Variants in DNAJC10 observed in about 807,000 individuals in gnomAD.
DNAJC10 encodes the protein DnaJ heat shock protein family (Hsp40) member C10.
A neutral mutation model predicts 115.0 loss-of-function variants in DNAJC10; 101 were observed. The observed-to-expected ratio is 0.88, with a 90% CI of 0.75 to 1.04. The LOEUF is 1.04. Among genes scored for constraint, DNAJC10 ranks in the 50% least tolerant of loss-of-function variants. The pLI, the probability that DNAJC10 is intolerant of heterozygous loss-of-function variation, is 0.00. For synonymous variants in DNAJC10, 307 were observed against 301.5 expected (o/e 1.02, Z -0.19); for missense variants, 981 against 928.8 (o/e 1.06, Z -0.73).
intron 22 of DNAJC10, among the ~76,000 whole-genome samples, chr2:182,770,706 G>A (rs1397771287): frequency 6.6e-6 from 1 of 152,070 alleles, no homozygotes; most frequent in Non-Finnish European, 1.5e-5. Flanking sequence ...GGAGATTTTG[G>A]GCTGAGATGA....
Position 182,771,717 on chromosome 2 carries a change from T to C in DNAJC10, c.2266-3599T>C, listed in dbSNP as rs575393296. ...ATTGCGTCCATTTGATTCTTCTCTC[T>C]TTTCCTATTAGTCTTGTTAGCAGCC... On this transcript the variant is annotated intron_variant, in intron 22 of 23. Coordinates refer to ENST00000264065, the MANE Select transcript of DNAJC10 (RefSeq NM_018981.4). Among the ~76,000 whole-genome samples the C allele has an allele frequency of 9.2e-5, 14 of 152,272 alleles. 1 individual carries two copies. The highest frequency in any genetic ancestry group is 3.4e-4 in the African/African-American group (14 of 41,560).
In DNAJC10 at chr2:182,777,419, C is replaced by A. The variant is rs1293769810; in HGVS notation, c.*287C>A. ...ATTCTTTGTTATTTGCTTTTAACAA[C>A]CTTTAAAAAATATTAAAACGATTCT... On this transcript the variant is annotated 3_prime_UTR_variant, in exon 24 of 24. Transcript: ENST00000264065. 1 of 227,046 alleles carries A rather than the reference C, an allele frequency of 4.4e-6. No individual in the cohort carries two copies. Among genetic ancestry groups the A allele is most frequent in the Non-Finnish European group, 8.6e-6 (1 of 116,264 alleles). 14.1% of individuals were successfully genotyped at this position (227,046 alleles called of 1,614,324 possible). A position where few individuals can be genotyped will look rare whatever the true frequency, so the allele number is the denominator to read the frequency against.
Position 182,762,779 on chromosome 2 carries a change from T to G in DNAJC10, c.2243T>G (p.Phe748Cys). The G allele has an allele frequency of 6.2e-7, 1 of 1,612,190 alleles. No individual in the cohort carries two copies. Among genetic ancestry groups the G allele is most frequent in the South Asian group, 1.1e-5 (1 of 91,014 alleles). Residue 748 changes from phenylalanine (F) to cysteine (C), a missense_variant, in exon 22 of 24, where the codon TTT becomes TGT. Phe to Cys is a radical substitution (Grantham distance 205). Transcript: ENST00000264065. ...AGIRAYPTVK[F>C]YFYERAKRNF... ...ATCAGGGCCTATCCAACTGTTAAAT[T>G]TTATTTCTACGAAAGAGCAAAGGTA...
chr2:182,732,539 G>A lies in DNAJC10; in HGVS notation c.846G>A (p.Met282Ile). The change falls in exon 10 of 24, where the codon ATG (methionine) becomes ATA (isoleucine). Residue 282 changes from methionine (M) to isoleucine (I), a missense_variant. By Grantham distance (10) the Met-to-Ile change is conservative (BLOSUM62 1). Transcript: ENST00000264065. ...AGACACGACTCAGGCTTAGTGGCAT[G>A]TTGGTAAGCATCAATCATTTTGTAA... ...TSQTRLRLSG[M>I]LDGLVNVGWM... 1 of 1,613,194 alleles carries A rather than the reference G, an allele frequency of 6.2e-7. No homozygotes were observed. Among genetic ancestry groups the A allele is most frequent in the East Asian group, 2.2e-5 (1 of 44,856 alleles).
At position 182,783,146 on chromosome 2, in the gene DNAJC10, C is replaced by A. The variant is rs778551898; in HGVS notation, c.*6014C>A. 1.3e-5 allele frequency: 2 copies of A among 152,110 alleles called. No homozygotes were observed. Among genetic ancestry groups the A allele is most frequent in the Non-Finnish European group, 2.9e-5 (2 of 68,034 alleles). The allele number at this position is 152,110 out of a possible 1,614,324, so 9.4% of individuals were successfully genotyped here. A position where few individuals can be genotyped will look rare whatever the true frequency, so the allele number is the denominator to read the frequency against. On this transcript the variant is annotated 3_prime_UTR_variant, in exon 24 of 24. Coordinates refer to ENST00000264065, the MANE Select transcript of DNAJC10 (RefSeq NM_018981.4). ...TTAATTTTATCGAAGGCCTTTTCTG[C>A]ATCTATTGAGATAATCATGTTTTTG...
At chr2:182,732,708 T>A in intron 10 of DNAJC10, 166 bp downstream of exon 10, 1 of 610,928 alleles carries the variant, frequency 1.6e-6, no homozygotes. Flanking sequence ...CCTGAATAAT[T>A]AGTTACGTTC....
chr2:182,724,428 G>C (rs993413879), intron 5 of DNAJC10, among the ~76,000 whole-genome samples: 2 of 152,114 alleles, frequency 1.3e-5, no homozygotes, highest in African/African-American at 2.4e-5. Context: ...TCTGCTTTTG[G>C]TTAAAGGATT....
At chr2:182,737,933 T>TA (rs1693628298) in intron 11 of DNAJC10, among the ~76,000 whole-genome samples, 1 of 152,242 alleles carries the variant, frequency 6.6e-6, no homozygotes, top group African/African-American at 2.4e-5. Flanking sequence ...TGGATACAGA[T>TA]ACGTAATTTT....
chr2:182,735,760 T>A (rs1408090290), intron 10 of DNAJC10, among the ~76,000 whole-genome samples: 3 of 152,148 alleles, frequency 2.0e-5, no homozygotes, highest in Admixed American at 1.3e-4. Context: ...TGGAGCTCAC[T>A]AAAGGATTAG....
intron 10 of DNAJC10, among the ~76,000 whole-genome samples, chr2:182,735,494 C>T (rs1693561277): frequency 6.6e-6 from 1 of 151,900 alleles, no homozygotes. Context: ...TTATGATATA[C>T]ATAGGTCTTG....
Position 182,755,052 on chromosome 2 carries a change from T to TTCA in DNAJC10, c.1603_1605dup (p.His535dup). The TTCA allele has an allele frequency of 6.2e-7, 1 of 1,610,456 alleles. No homozygotes were observed. The highest frequency in any genetic ancestry group is 1.1e-5 in the South Asian group (1 of 91,010). ...ACAGTGGTATTCAACCAGTCCAACA[T>TTCA]TCATGAGTATGAAGGACATCACTCT... On this transcript the variant is annotated inframe_insertion, in exon 17 of 24. Coordinates refer to ENST00000264065, the MANE Select transcript of DNAJC10 (RefSeq NM_018981.4).
Position 182,780,683 on chromosome 2 carries a change from C to A in DNAJC10, c.*3551C>A, listed in dbSNP as rs1036079497. 6.6e-6 allele frequency: 1 copy of A among 152,112 alleles called. No individual in the cohort carries two copies. The highest frequency in any genetic ancestry group is 1.5e-5 in the Non-Finnish European group (1 of 68,006). The allele number at this position is 152,112 out of a possible 1,614,324, so 9.4% of individuals were successfully genotyped here. On this transcript the variant is annotated 3_prime_UTR_variant, in exon 24 of 24. Transcript: ENST00000264065. ...TGTTTCACTGGCTTGAGTCATTTTT[C>A]TGTTTAACACTGAATTTACACTTAG...
intron 11 of DNAJC10, chr2:182,739,983 G>A (rs1693690081): frequency 5.0e-6 from 5 of 1,000,704 alleles, no homozygotes; most frequent in Non-Finnish European, 6.0e-6. Context: ...CTTGATGATT[G>A]GGAGGTCACT....
At chr2:182,741,427 T>C (rs1029605901) in intron 13 of DNAJC10, 71 bp downstream of exon 13, 4 of 685,772 alleles carry the variant, frequency 5.8e-6, no homozygotes, top group Non-Finnish European at 9.1e-6. Context: ...TATAATTAAA[T>C]TTTAAATAAC....
At position 182,756,434 on chromosome 2, in the gene DNAJC10, C is replaced by A. The variant is rs1385678438; in HGVS notation, c.1774C>A (p.Gln592Lys). The A allele has an allele frequency of 1.2e-6, 2 of 1,613,754 alleles. No homozygotes were observed. Among genetic ancestry groups the A allele is most frequent in the Non-Finnish European group, 8.5e-7 (1 of 1,179,906 alleles). Residue 592 changes from glutamine (Q) to lysine (K), a missense_variant, in exon 18 of 24, where the codon CAA (glutamine) becomes AAA (lysine). Coordinates refer to ENST00000264065, the MANE Select transcript of DNAJC10 (RefSeq NM_018981.4). ...DFYSPWCHPC[Q>K]VLMPEWKRMA... ...CTATTCTCCGTGGTGTCATCCTTGC[C>A]AAGTCTTAATGCCAGAATGGAAAAG...
intron 12 of DNAJC10, among the ~76,000 whole-genome samples, chr2:182,740,881 C>T (rs188155074): frequency 7.9e-5 from 12 of 152,166 alleles, no homozygotes; most frequent in Admixed American, 7.8e-4. Context: ...CAAATACTTC[C>T]TAACCACAGA....
intron 10 of DNAJC10, among the ~76,000 whole-genome samples, chr2:182,735,491 A>G (rs1179980968): frequency 6.6e-6 from 1 of 152,000 alleles, no homozygotes; most frequent in Non-Finnish European, 1.5e-5. Flanking sequence ...TCATTATGAT[A>G]TACATAGGTC....
chr2:182,722,453 G>C (rs547633528), intron 5 of DNAJC10, among the ~76,000 whole-genome samples: 2 of 152,084 alleles, frequency 1.3e-5, no homozygotes, highest in African/African-American at 4.8e-5. Flanking sequence ...AACTTTGTGT[G>C]AAAATGGCCA....
At chr2:182,759,074 A>G in intron 20 of DNAJC10, 86 bp from the exon 21 acceptor site, 1 of 1,244,734 alleles carries the variant, frequency 8.0e-7, no homozygotes, top group Non-Finnish European at 1.1e-6. Flanking sequence ...ATCATTTTTA[A>G]CTTAGAAAGT....
Sources: gnomAD v4.1 joint callset for allele counts (sites outside exome capture counted in the v4.1 genomes callset) on GRCh38, gnomAD v4.1.1 for gene constraint, MANE v1.5 for transcripts, NCBI Gene and HGNC (gene_info 2026-07-23, HGNC 2026-07-21) for gene names.